The following CSMD1 variants were observed in gnomAD, a reference collection of about 807,000 sequenced individuals.
CSMD1 encodes CUB and sushi domain-containing protein 1.
CSMD1 carries 213 observed loss-of-function variants against 417.5 expected under a neutral mutation model. That is an observed-to-expected ratio of 0.51 (90% CI 0.46 to 0.57). CSMD1 has a LOEUF of 0.57. Ranked by LOEUF, CSMD1 falls within the 20% of genes least tolerant of loss-of-function variation. CSMD1 has a pLI of 0.00. For synonymous variants in CSMD1, 2,862 were observed against 1,736.8 expected (o/e 1.65, Z -16.11); for missense variants, 6,923 against 4,529.7 (o/e 1.53, Z -15.17).
At chr8:4,872,955 C>T (rs1802819508) in intron 1 of CSMD1, among the ~76,000 whole-genome samples, 1 of 152,000 alleles carries the variant, frequency 6.6e-6, no homozygotes, top group Admixed American at 6.5e-5. Flanking sequence ...TGAAGTATGA[C>T]TGGCAAACAA....
At chr8:4,783,357 G>C (rs12114122) in intron 1 of CSMD1, among the ~76,000 whole-genome samples, 63,088 of 152,002 alleles carry the variant, frequency 0.42, 13,731 homozygotes, top group East Asian at 0.58. Context: ...CTCCTAATCA[G>C]AGGCTGGGAG....
intron 37 of CSMD1, among the ~76,000 whole-genome samples, chr8:3,179,629 G>A (rs1263136710): frequency 1.3e-5 from 2 of 152,060 alleles, no homozygotes; most frequent in Non-Finnish European, 2.9e-5. Context: ...CAAGACAAAG[G>A]AATAAAAACC....
intron 7 of CSMD1, among the ~76,000 whole-genome samples, chr8:3,672,730 T>C (rs1481710): frequency 0.13 from 19,105 of 152,120 alleles, 1,349 homozygotes; most frequent in African/African-American, 0.18. Context: ...TTGGCCATGG[T>C]GGATGTATTT....
At chr8:3,317,881 G>C (rs1395305129) in intron 23 of CSMD1, among the ~76,000 whole-genome samples, 1 of 152,144 alleles carries the variant, frequency 6.6e-6, no homozygotes, top group Non-Finnish European at 1.5e-5. Context: ...CGCCATCTTG[G>C]CTCACTACAG....
At chr8:3,205,727 T>G (rs1475190094) in intron 30 of CSMD1, 107 bp from the exon 31 acceptor site, 1 of 497,560 alleles carries the variant, frequency 2.0e-6, no homozygotes, top group East Asian at 3.4e-5. Flanking sequence ...TATTGAAAAC[T>G]TGACAAAATA....
intron 1 of CSMD1, among the ~76,000 whole-genome samples, chr8:4,658,976 C>A (rs976032192): frequency 6.6e-5 from 10 of 151,928 alleles, no homozygotes; most frequent in Non-Finnish European, 1.0e-4. Context: ...TCTGTGGTAA[C>A]CACGAAGGCA....
intron 5 of CSMD1, among the ~76,000 whole-genome samples, chr8:3,885,755 C>T (rs1413013746): frequency 2.0e-5 from 3 of 152,120 alleles, no homozygotes; most frequent in Admixed American, 1.3e-4. Context: ...ATCTCACAAA[C>T]AAACTGGAGT....
At chr8:4,430,145 A>C (rs1476402736) in intron 2 of CSMD1, among the ~76,000 whole-genome samples, 1 of 152,196 alleles carries the variant, frequency 6.6e-6, no homozygotes, top group Non-Finnish European at 1.5e-5. Flanking sequence ...CCACAAAGCA[A>C]ATCTATGTCA....
chr8:3,646,262 G>A (rs929639227), intron 7 of CSMD1, among the ~76,000 whole-genome samples: 2 of 152,070 alleles, frequency 1.3e-5, no homozygotes, highest in Non-Finnish European at 1.5e-5. Flanking sequence ...ATGCTGAGAT[G>A]TTAACTGTAA....
intron 1 of CSMD1, among the ~76,000 whole-genome samples, chr8:4,941,777 T>C (rs1808019873): frequency 6.6e-6 from 1 of 152,018 alleles, no homozygotes; most frequent in African/African-American, 2.4e-5. Flanking sequence ...TTTCAATTCT[T>C]TTGTAGGGAC....
At chr8:3,892,797 A>C (rs1333052649) in intron 5 of CSMD1, among the ~76,000 whole-genome samples, 1 of 143,984 alleles carries the variant, frequency 6.9e-6, no homozygotes, top group Non-Finnish European at 1.5e-5. Flanking sequence ...ACAGTCTTCT[A>C]CGTGAACTCA....
intron 1 of CSMD1, among the ~76,000 whole-genome samples, chr8:4,993,833 G>T (rs1056185801): frequency 2.0e-5 from 3 of 152,146 alleles, no homozygotes; most frequent in Admixed American, 6.5e-5. Context: ...GAGGAGGCCG[G>T]GCCGGCGGAG....
chr8:4,468,378 G>A (rs1051182657), intron 2 of CSMD1, among the ~76,000 whole-genome samples: 3 of 152,156 alleles, frequency 2.0e-5, no homozygotes, highest in African/African-American at 7.2e-5. Flanking sequence ...TAATAAAGAG[G>A]ATAATATTTT....
intron 1 of CSMD1, among the ~76,000 whole-genome samples, chr8:4,642,537 G>T (rs1353489346): frequency 2.6e-5 from 4 of 152,108 alleles, no homozygotes; most frequent in East Asian, 1.9e-4. Flanking sequence ...AGGAGTGAAG[G>T]TATCATAAAC....
intron 3 of CSMD1, among the ~76,000 whole-genome samples, chr8:4,408,913 G>T (rs78506685): frequency 6.6e-6 from 1 of 152,122 alleles, no homozygotes; most frequent in Non-Finnish European, 1.5e-5. Context: ...ACTTTAGGTA[G>T]CAAGAACATC....
intron 30 of CSMD1, among the ~76,000 whole-genome samples, chr8:3,207,208 A>T (rs1375174058): frequency 7.5e-6 from 1 of 133,772 alleles, no homozygotes; most frequent in South Asian, 2.3e-4. Context: ...GTACAATGGC[A>T]TGATCTCAGC....
chr8:3,371,838 G>C (rs1318899470), intron 18 of CSMD1, among the ~76,000 whole-genome samples: 1 of 152,108 alleles, frequency 6.6e-6, no homozygotes, highest in Non-Finnish European at 1.5e-5. Flanking sequence ...TGGAATTTTT[G>C]CATCTGAAGA....
At chr8:4,528,305 C>A (rs910127758) in intron 2 of CSMD1, among the ~76,000 whole-genome samples, 1 of 152,090 alleles carries the variant, frequency 6.6e-6, no homozygotes, top group Non-Finnish European at 1.5e-5. Flanking sequence ...CCATGAACAG[C>A]AACAACAAAA....
chr8:3,754,709 C>A (rs1019943073), intron 5 of CSMD1, among the ~76,000 whole-genome samples: 2 of 152,212 alleles, frequency 1.3e-5, no homozygotes, highest in Non-Finnish European at 2.9e-5. Flanking sequence ...CCTGCCTTGG[C>A]CTTCCAAAGT....
Sources: allele counts gnomAD v4.1 joint callset (sites outside exome capture counted in the v4.1 genomes callset), GRCh38; gene constraint gnomAD v4.1.1; transcripts MANE v1.5; gene names NCBI Gene and HGNC (gene_info 2026-07-23, HGNC 2026-07-21).